Variants in WASF3 observed in about 807,000 individuals in gnomAD.
The protein encoded by WASF3 is WASP family member 3.
In WASF3, 11 loss-of-function variants were observed where a neutral mutation model predicts 46.6. That is an observed-to-expected ratio of 0.24 (90% CI 0.15 to 0.39). WASF3 has a LOEUF of 0.39. Ranked by LOEUF, WASF3 falls within the 10% of genes least tolerant of loss-of-function variation. WASF3 has a pLI of 1.00. For synonymous variants in WASF3, 242 were observed against 259.7 expected (o/e 0.93, Z 0.65); for missense variants, 576 against 669.8 (o/e 0.86, Z 1.55).
In WASF3 at chr13:26,665,078, T is replaced by A. The variant is rs530513372; in HGVS notation, c.184T>A (p.Phe62Ile). Residue 62 changes from phenylalanine (F) to isoleucine (I), a missense_variant, in exon 4 of 10, where the codon TTC (phenylalanine) becomes ATC (isoleucine). Phe to Ile is a conservative substitution (Grantham distance 21, BLOSUM62 0). Transcript: ENST00000335327. ...FGELFNEANN[F>I]YIRANSLQDR... is the part of the protein sequence containing the mutation. The stretch of plus-strand genomic sequence containing the variant: ...TGAGTTGTTTAATGAGGCTAACAAC[T>A]TCTACATCAGAGCAAATTCTCTTCA... 1 of 1,614,190 alleles carries A rather than the reference T, an allele frequency of 6.2e-7. No homozygotes were observed. Among genetic ancestry groups the A allele is most frequent in the East Asian group, 2.2e-5 (1 of 44,886 alleles).
At chr13:26,654,204 T>C (rs1359535226) in intron 3 of WASF3, among the ~76,000 whole-genome samples, 1 of 152,146 alleles carries the variant, frequency 6.6e-6, no homozygotes, top group Non-Finnish European at 1.5e-5. Context: ...TCTACCCTTT[T>C]CCCCATCACT....
At chr13:26,663,783 GGCAT>G (rs1470619442) in intron 3 of WASF3, among the ~76,000 whole-genome samples, 1 of 152,152 alleles carries the variant, frequency 6.6e-6, no homozygotes, top group East Asian at 1.9e-4. Flanking sequence ...AGTGTTTCAT[GGCAT>G]GAAATAATTC....
At chr13:26,646,534 A>C (rs962055518) in intron 3 of WASF3, among the ~76,000 whole-genome samples, 1 of 151,474 alleles carries the variant, frequency 6.6e-6, no homozygotes, top group Non-Finnish European at 1.5e-5. Flanking sequence ...CACCTGTGTC[A>C]CTCCCCTCCC....
chr13:26,553,661 C>CA (rs1879016157), upstream of WASF3, among the ~76,000 whole-genome samples: 5 of 151,926 alleles, frequency 3.3e-5, no homozygotes, highest in South Asian at 1.0e-3. Context: ...AATAAAAATA[C>CA]AAAAAATTAG....
chr13:26,559,315 T>C (rs1388562782), intron 1 of WASF3, among the ~76,000 whole-genome samples: 1 of 152,266 alleles, frequency 6.6e-6, no homozygotes, highest in African/African-American at 2.4e-5. Flanking sequence ...CAACCTGTGC[T>C]TATTCTAGAA....
Position 26,688,861 on chromosome 13 carries a change from CTGTT to C in WASF3, c.*3020_*3023del, listed in dbSNP as rs1327661764. ...AAAAAAACTGTTAAACAATTTTTAT[CTGTT>C]TGTATATCTTACTATAGATTATGTA... On this transcript the variant is annotated 3_prime_UTR_variant, in exon 10 of 10. Transcript: ENST00000335327. 2 of 152,072 alleles carry C rather than the reference CTGTT, an allele frequency of 1.3e-5. No homozygotes were observed. The highest frequency in any genetic ancestry group is 3.9e-4 in the East Asian group (2 of 5,184). 9.4% of individuals were successfully genotyped at this position (152,072 alleles called of 1,614,324 possible).
intron 2 of WASF3, among the ~76,000 whole-genome samples, chr13:26,631,068 G>A (rs1183843682): frequency 6.6e-6 from 1 of 152,186 alleles, no homozygotes; most frequent in Non-Finnish European, 1.5e-5. Context: ...TTTGTCAGAT[G>A]AGTAGATTGC....
chr13:26,619,573 T>C (rs973103074), intron 2 of WASF3: 2 of 152,154 alleles, frequency 1.3e-5, no homozygotes, highest in African/African-American at 2.4e-5. Flanking sequence ...AGGTTAGTCA[T>C]GTTATAAAAA....
At chr13:26,681,403 G>A (rs554750488) in intron 8 of WASF3, 83 bp downstream of exon 8, 23 of 1,459,690 alleles carry the variant, frequency 1.6e-5, no homozygotes, top group African/African-American at 2.8e-5. Context: ...TTTTAACTCC[G>A]GTATTTTAGA....
chr13:26,656,659 A>G (rs1047066826), intron 3 of WASF3, among the ~76,000 whole-genome samples: 6 of 152,140 alleles, frequency 3.9e-5, no homozygotes, highest in African/African-American at 1.4e-4. Context: ...ATTCATCGTC[A>G]ATACTTCCAT....
chr13:26,599,832 A>G (rs1880594545), intron 1 of WASF3, among the ~76,000 whole-genome samples: 3 of 152,082 alleles, frequency 2.0e-5, no homozygotes, highest in South Asian at 2.1e-4. Flanking sequence ...TCTCTGTGTA[A>G]TGTTATAGAA....
chr13:26,582,948 G>T (rs1880027766), intron 1 of WASF3, among the ~76,000 whole-genome samples: 1 of 152,134 alleles, frequency 6.6e-6, no homozygotes, highest in South Asian at 2.1e-4. Flanking sequence ...TAATAGGATA[G>T]ATACCTTGAG....
intron 1 of WASF3, among the ~76,000 whole-genome samples, chr13:26,594,715 CAG>C (rs1198791218): frequency 1.3e-5 from 2 of 152,200 alleles, no homozygotes; most frequent in African/African-American, 2.4e-5. Flanking sequence ...CCTTATTTAA[CAG>C]GGGCTCTGTG....
intron 1 of WASF3, among the ~76,000 whole-genome samples, chr13:26,597,605 A>G (rs1880509375): frequency 6.6e-6 from 1 of 152,080 alleles, no homozygotes; most frequent in Non-Finnish European, 1.5e-5. Flanking sequence ...TAACATGTTA[A>G]TGCTATCCCT....
chr13:26,675,974 A>C (rs1883057822), intron 6 of WASF3, among the ~76,000 whole-genome samples: 1 of 152,222 alleles, frequency 6.6e-6, no homozygotes. Flanking sequence ...TATTTGTTGA[A>C]TGAAACATTT....
chr13:26,646,446 AC>A (rs1263249099), intron 3 of WASF3, among the ~76,000 whole-genome samples: 1 of 152,124 alleles, frequency 6.6e-6, no homozygotes. Flanking sequence ...TCCTTTGGGT[AC>A]TTACCCGGCC....
intron 1 of WASF3, among the ~76,000 whole-genome samples, chr13:26,612,154 C>T (rs1214472268): frequency 6.6e-6 from 1 of 152,170 alleles, no homozygotes; most frequent in Non-Finnish European, 1.5e-5. Flanking sequence ...CCTCACAAGA[C>T]TGAGTACCTT....
chr13:26,541,269 G>A, the WASF3 span, among the ~76,000 whole-genome samples: 3 of 152,138 alleles, frequency 2.0e-5, no homozygotes, highest in Non-Finnish European at 2.9e-5. Context: ...CGTGTTGGGC[G>A]CCAAATCTCG....
chr13:26,608,208 A>G (rs994028660), intron 1 of WASF3, among the ~76,000 whole-genome samples: 1 of 152,198 alleles, frequency 6.6e-6, no homozygotes, highest in Admixed American at 6.5e-5. Context: ...CATATCAGGC[A>G]TGGGTTCCTT....
Sources: allele counts gnomAD v4.1 joint callset (sites outside exome capture counted in the v4.1 genomes callset), GRCh38; gene constraint gnomAD v4.1.1; transcripts MANE v1.5; gene names NCBI Gene and HGNC (gene_info 2026-07-23, HGNC 2026-07-21).